Variants in ARIH1 observed in about 807,000 individuals in gnomAD.
The protein encoded by ARIH1 is ariadne RBR E3 ubiquitin protein ligase 1, also known as E3 ubiquitin-protein ligase ARIH1.
ARIH1 carries 8 observed loss-of-function variants against 85.0 expected under a neutral mutation model. The ratio of observed to expected loss-of-function variants is 0.09; its 90% confidence interval spans 0.06 to 0.17. The LOEUF (loss-of-function observed/expected upper bound fraction) is 0.17. ARIH1 is among the 10% of genes least tolerant of loss of function. The probability of loss-of-function intolerance (pLI) is 1.00; values close to 1 mark genes in which losing one functional copy is unlikely to be tolerated. For synonymous variants in ARIH1, 238 were observed against 253.6 expected (o/e 0.94, Z 0.59); for missense variants, 311 against 718.1 (o/e 0.43, Z 6.48).
chr15:72,586,997 C>T lies in ARIH1; in HGVS notation c.*3705C>T, dbSNP rs143231608. 6 of 343,700 alleles carry T rather than the reference C, an allele frequency of 1.7e-5. No individual in the cohort carries two copies. The highest frequency in any genetic ancestry group is 6.5e-5 in the African/African-American group (3 of 45,980). 21.3% of individuals were successfully genotyped at this position (343,700 alleles called of 1,614,324 possible). ...TAAAGAAGGTCCCAAAGTTGAAGAT[C>T]GTTTGTCATTGATACTCTGGCCAAG... is the stretch of plus-strand genomic sequence containing the variant. On this transcript the variant is annotated 3_prime_UTR_variant, in exon 14 of 14. Coordinates refer to ENST00000379887, the MANE Select transcript of ARIH1 (RefSeq NM_005744.5).
At chr15:72,519,475 G>GTGTTTTTTTTTTTTTTTTTTTTTTTTTT (rs2063989343) in intron 2 of ARIH1, among the ~76,000 whole-genome samples, 1 of 62,544 alleles carries the variant, frequency 1.6e-5, no homozygotes, top group African/African-American at 6.5e-5. Context: ...TGTTTTTTTT[G>GTGTTTTTTTTTTTTTTTTTTTTTTTTTT]TTTTTTTTTT....
intron 11 of ARIH1, among the ~76,000 whole-genome samples, chr15:72,577,655 A>C (rs540605770): frequency 6.6e-6 from 1 of 152,208 alleles, no homozygotes; most frequent in Non-Finnish European, 1.5e-5. Flanking sequence ...CCTGTGCGAC[A>C]GAGTGAGACT....
At position 72,594,510 on chromosome 15, in the gene ARIH1, C is replaced by T. The variant is rs1275275258; in HGVS notation, c.*11218C>T. 1 of 152,074 alleles carries T rather than the reference C, an allele frequency of 6.6e-6. No homozygotes were observed. Among genetic ancestry groups the T allele is most frequent in the African/African-American group, 2.4e-5 (1 of 41,412 alleles). The allele number at this position is 152,074 out of a possible 1,614,324, so 9.4% of individuals were successfully genotyped here. ...TGTTTGCTGCTAGTATCTAGAAATA[C>T]AATTGATTTTTTGTTTGTTTCTTTA... is the stretch of plus-strand genomic sequence containing the variant. On this transcript the variant is annotated 3_prime_UTR_variant, in exon 14 of 14. Coordinates refer to ENST00000379887, the MANE Select transcript of ARIH1 (RefSeq NM_005744.5).
chr15:72,578,123 G>A (rs1488959174), intron 11 of ARIH1, among the ~76,000 whole-genome samples: 1 of 152,138 alleles, frequency 6.6e-6, no homozygotes, highest in Non-Finnish European at 1.5e-5. Context: ...AATTCCTCTG[G>A]TGTGGTGTCT....
intron 1 of ARIH1, among the ~76,000 whole-genome samples, chr15:72,487,976 G>A (rs887438548): frequency 5.3e-5 from 8 of 151,952 alleles, no homozygotes; most frequent in Admixed American, 2.0e-4. Context: ...ACACATATTT[G>A]TGTTTTCATG....
chr15:72,524,465 T>G (rs1192806330), intron 2 of ARIH1, among the ~76,000 whole-genome samples: 1 of 151,588 alleles, frequency 6.6e-6, no homozygotes, highest in Non-Finnish European at 1.5e-5. Context: ...CCGCCCACCT[T>G]GGCCTCCCAA....
intron 2 of ARIH1, among the ~76,000 whole-genome samples, chr15:72,536,741 T>C (rs889066235): frequency 3.3e-5 from 5 of 152,204 alleles, no homozygotes; most frequent in Admixed American, 2.0e-4. Context: ...GGCTCAGAAC[T>C]AAAAAGGTTA....
rs2064358703 is a variant in ARIH1, at chr15:72,595,135, A to T, written c.*11843A>T. 1 of 152,198 alleles carries T rather than the reference A, an allele frequency of 6.6e-6. No homozygotes were observed. The highest frequency in any genetic ancestry group is 6.5e-5 in the Admixed American group (1 of 15,286). The allele number at this position is 152,198 out of a possible 1,614,324, so 9.4% of individuals were successfully genotyped here. On this transcript the variant is annotated 3_prime_UTR_variant, in exon 14 of 14. Transcript: ENST00000379887. ...AAGATGGTATGTTACAGGGGTTGGC[A>T]AACTGTGGCCCATGGGCCAGATCCA...
At chr15:72,516,977 T>G (rs1222868649) in intron 1 of ARIH1, among the ~76,000 whole-genome samples, 1 of 152,234 alleles carries the variant, frequency 6.6e-6, no homozygotes, top group Non-Finnish European at 1.5e-5. Context: ...GAGTCAGGCC[T>G]TGCTGACTTC....
intron 3 of ARIH1, among the ~76,000 whole-genome samples, chr15:72,548,564 G>A (rs999788493): frequency 6.6e-6 from 1 of 152,186 alleles, no homozygotes; most frequent in Non-Finnish European, 1.5e-5. Flanking sequence ...GGGTTGGCAA[G>A]TAAGGTAAGG....
At position 72,592,610 on chromosome 15, in the gene ARIH1, T is replaced by C. The variant is rs2140445605; in HGVS notation, c.*9318T>C. ...CCCACTCCAGTGATCACTTCTTGAT[T>C]TTTATCACTAAAGATTTGTTGTACC... is the stretch of plus-strand genomic sequence containing the variant. On this transcript the variant is annotated 3_prime_UTR_variant, in exon 14 of 14. Coordinates refer to ENST00000379887, the MANE Select transcript of ARIH1 (RefSeq NM_005744.5). The C allele has an allele frequency of 6.6e-6, 1 of 152,332 alleles. No homozygotes were observed. The highest frequency in any genetic ancestry group is 2.1e-4 in the South Asian group (1 of 4,828). The allele number at this position is 152,332 out of a possible 1,614,324, so 9.4% of individuals were successfully genotyped here. A position where few individuals can be genotyped will look rare whatever the true frequency, so the allele number is the denominator to read the frequency against.
chr15:72,497,906 C>T (rs1422357457), intron 1 of ARIH1, among the ~76,000 whole-genome samples: 1 of 152,168 alleles, frequency 6.6e-6, no homozygotes, highest in Admixed American at 6.5e-5. Context: ...CTTTTATAAA[C>T]TCCATATACT....
intron 1 of ARIH1, among the ~76,000 whole-genome samples, chr15:72,487,140 C>T (rs1483276160): frequency 2.0e-5 from 3 of 151,464 alleles, no homozygotes; most frequent in Admixed American, 1.3e-4. Context: ...TGCTCTGTTC[C>T]ATTTAAAAGT....
chr15:72,494,082 A>C (rs2063870310), intron 1 of ARIH1, among the ~76,000 whole-genome samples: 2 of 152,156 alleles, frequency 1.3e-5, no homozygotes, highest in African/African-American at 4.8e-5. Flanking sequence ...TAAGATCCTA[A>C]ATAATCGTGT....
chr15:72,551,674 G>C (rs2064153536), intron 3 of ARIH1, among the ~76,000 whole-genome samples: 1 of 152,144 alleles, frequency 6.6e-6, no homozygotes, highest in Non-Finnish European at 1.5e-5. Context: ...TTCACTGTGA[G>C]TGAAGAGCTT....
chr15:72,578,842 A>G (rs2064283459), intron 11 of ARIH1, among the ~76,000 whole-genome samples: 1 of 138,088 alleles, frequency 7.2e-6, no homozygotes, highest in Non-Finnish European at 1.5e-5. Context: ...TCAGAGGTAG[A>G]GTCTCGTTCT....
At chr15:72,493,674 T>G (rs2063868288) in intron 1 of ARIH1, among the ~76,000 whole-genome samples, 1 of 152,204 alleles carries the variant, frequency 6.6e-6, no homozygotes, top group Non-Finnish European at 1.5e-5. Context: ...TTTTAAAGAT[T>G]CTAGATCATT....
chr15:72,529,884 A>C (rs1424546016), intron 2 of ARIH1, among the ~76,000 whole-genome samples: 1 of 152,220 alleles, frequency 6.6e-6, no homozygotes, highest in African/African-American at 2.4e-5. Flanking sequence ...AAGGGCCTTG[A>C]ATTTTAAGTA....
chr15:72,578,493 A>G (rs190132374), intron 11 of ARIH1, among the ~76,000 whole-genome samples: 41 of 152,274 alleles, frequency 2.7e-4, no homozygotes, highest in Admixed American at 1.3e-3. Context: ...GTTTTGATAA[A>G]TCTCAACTTT....
Sources: allele counts gnomAD v4.1 joint callset (sites outside exome capture counted in the v4.1 genomes callset), GRCh38; gene constraint gnomAD v4.1.1; transcripts MANE v1.5; gene names NCBI Gene and HGNC (gene_info 2026-07-23, HGNC 2026-07-21).